Variants in BLTP1 observed in about 807,000 individuals in gnomAD.
BLTP1 encodes the protein fragile site-associated protein.
At chr4:122,312,032 T>A in the BLTP1 span, among the ~76,000 whole-genome samples, 1 of 152,154 alleles carries the variant, frequency 6.6e-6, no homozygotes, top group Non-Finnish European at 1.5e-5. Context: ...TCTTTTAAGC[T>A]TAATGTTTTT....
chr4:122,227,076 C>A, the BLTP1 span: 2 of 552,586 alleles, frequency 3.6e-6, no homozygotes, highest in Non-Finnish European at 5.1e-6. Flanking sequence ...ATTTTGCTTA[C>A]ATTTTTACTG....
the BLTP1 span, chr4:122,336,426 G>A: frequency 1.0e-6 from 1 of 999,860 alleles, no homozygotes. Context: ...TTTTCTTAAT[G>A]CTATTATACA....
chr4:122,334,745 ATC>A, the BLTP1 span, among the ~76,000 whole-genome samples: 1 of 152,090 alleles, frequency 6.6e-6, no homozygotes, highest in Non-Finnish European at 1.5e-5. Flanking sequence ...ACTTTAGAAT[ATC>A]TGTTATAAAA....
At chr4:122,246,726 C>T in the BLTP1 span, 6 of 1,612,842 alleles carry the variant, frequency 3.7e-6, no homozygotes, top group South Asian at 6.6e-5. Flanking sequence ...GAATCTCCAA[C>T]TACGGCTCCT....
At chr4:122,333,576 A>C in the BLTP1 span, 33 of 1,515,970 alleles carry the variant, frequency 2.2e-5, no homozygotes, top group Middle Eastern at 1.9e-4. Flanking sequence ...CTTTTAAACA[A>C]AAAGATAAAT....
the BLTP1 span, chr4:122,238,001 AT>A: frequency 3.7e-6 from 5 of 1,348,132 alleles, no homozygotes; most frequent in South Asian, 1.7e-5. Flanking sequence ...AAAAAAAAAA[AT>A]TATACTTAAA....
At chr4:122,197,264 T>G in the BLTP1 span, 4 of 1,490,586 alleles carry the variant, frequency 2.7e-6, no homozygotes, top group Admixed American at 8.3e-5. Context: ...CAATGACAGT[T>G]GAAGAAAATG....
At chr4:122,311,319 A>G in the BLTP1 span, among the ~76,000 whole-genome samples, 3 of 152,106 alleles carry the variant, frequency 2.0e-5, no homozygotes, top group African/African-American at 7.2e-5. Flanking sequence ...TGGGTTTTAG[A>G]GGGGACTAAC....
the BLTP1 span, chr4:122,347,727 C>T: frequency 6.2e-7 from 1 of 1,613,740 alleles, no homozygotes; most frequent in Admixed American, 1.7e-5. Flanking sequence ...GCCTAAAATC[C>T]CCAGCTTCCA....
the BLTP1 span, chr4:122,212,003 G>C: frequency 1.0e-6 from 1 of 954,906 alleles, no homozygotes; most frequent in Non-Finnish European, 1.2e-6. Flanking sequence ...TTACAGGATC[G>C]GCAGATTCAC....
chr4:122,352,844 A>C, the BLTP1 span: 47 of 1,582,262 alleles, frequency 3.0e-5, no homozygotes, highest in Admixed American at 1.0e-4. Flanking sequence ...GCCTCACTCT[A>C]CCCTATCCAA....
the BLTP1 span, among the ~76,000 whole-genome samples, chr4:122,329,421 A>G: frequency 6.6e-6 from 1 of 151,268 alleles, no homozygotes. Flanking sequence ...ATTATATTTA[A>G]TTTCATGGTG....
the BLTP1 span, among the ~76,000 whole-genome samples, chr4:122,259,383 T>G: frequency 6.6e-6 from 1 of 152,148 alleles, no homozygotes; most frequent in Non-Finnish European, 1.5e-5. Context: ...AGATGGAGAT[T>G]ATAATAGTAA....
At chr4:122,262,005 C>CT in the BLTP1 span, 1 of 985,306 alleles carries the variant, frequency 1.0e-6, no homozygotes, top group Non-Finnish European at 1.2e-6. Context: ...CAAAAAGCCT[C>CT]TAGTTTCCTT....
chr4:122,161,032 T>C, the BLTP1 span: 9 of 328,806 alleles, frequency 2.7e-5, no homozygotes, highest in Admixed American at 5.8e-4. Flanking sequence ...GAATTTCTAG[T>C]ATACAGTAAT....
chr4:122,172,377 C>A, the BLTP1 span: 1 of 666,082 alleles, frequency 1.5e-6, no homozygotes, highest in Non-Finnish European at 1.9e-6. Flanking sequence ...TTTGTATATT[C>A]ATGAACTAGA....
At chr4:122,292,694 T>C in the BLTP1 span, 1 of 633,202 alleles carries the variant, frequency 1.6e-6, no homozygotes. Context: ...AAAATGGAAA[T>C]TGATGAGATA....
chr4:122,358,466 C>T, the BLTP1 span, among the ~76,000 whole-genome samples: 1 of 152,152 alleles, frequency 6.6e-6, no homozygotes, highest in East Asian at 1.9e-4. Context: ...TTATTACAAA[C>T]AACAAGCACT....
At chr4:122,155,056 G>A in the BLTP1 span, 6 of 440,740 alleles carry the variant, frequency 1.4e-5, no homozygotes, top group East Asian at 3.1e-4. Flanking sequence ...AGTATCATGT[G>A]TCAGACATCC....
Sources: allele counts gnomAD v4.1 joint callset (sites outside exome capture counted in the v4.1 genomes callset), GRCh38; gene constraint gnomAD v4.1.1; transcripts MANE v1.5; gene names NCBI Gene and HGNC (gene_info 2026-07-23, HGNC 2026-07-21).